Variants in TMEM178B observed in about 807,000 individuals in gnomAD.
TMEM178B encodes transmembrane protein 178B.
In TMEM178B, 5 loss-of-function variants were observed where a neutral mutation model predicts 31.0. That is an observed-to-expected ratio of 0.16 (90% confidence interval 0.08 to 0.34). The LOEUF is 0.34. TMEM178B is among the 10% of genes least tolerant of loss of function. The pLI is 1.00. For missense variants in TMEM178B, 275 were observed against 400.3 expected (o/e 0.69, Z 2.67); for synonymous variants, 164 against 164.0 (o/e 1.00, Z 0.00).
At chr7:141,077,486 A>G (rs1312536649) in intron 1 of TMEM178B, among the ~76,000 whole-genome samples, 1 of 152,230 alleles carries the variant, frequency 6.6e-6, no homozygotes, top group Non-Finnish European at 1.5e-5. Flanking sequence ...CGAACATCAA[A>G]TCTATGTCTG....
chr7:141,272,597 C>T (rs1798201144), intron 2 of TMEM178B, among the ~76,000 whole-genome samples: 1 of 152,194 alleles, frequency 6.6e-6, no homozygotes, highest in Admixed American at 6.5e-5. Flanking sequence ...TCCTGAGAGC[C>T]CCAGTGCTGG....
intron 1 of TMEM178B, among the ~76,000 whole-genome samples, chr7:141,197,767 G>C (rs1367078640): frequency 6.6e-6 from 1 of 152,098 alleles, no homozygotes; most frequent in Admixed American, 6.5e-5. Context: ...CAAGTAGCTG[G>C]ATTATAGGCA....
intron 1 of TMEM178B, among the ~76,000 whole-genome samples, chr7:141,087,359 T>C (rs1173017326): frequency 6.6e-6 from 1 of 152,220 alleles, no homozygotes; most frequent in Non-Finnish European, 1.5e-5. Context: ...TTTACAATGA[T>C]TGATTACTGA....
At chr7:141,293,861 A>G (rs1798587611) in intron 2 of TMEM178B, among the ~76,000 whole-genome samples, 1 of 152,210 alleles carries the variant, frequency 6.6e-6, no homozygotes, top group Non-Finnish European at 1.5e-5. Context: ...ACCTATAATA[A>G]TAGAAGGCAT....
intron 2 of TMEM178B, among the ~76,000 whole-genome samples, chr7:141,218,874 G>C (rs1418582253): frequency 6.6e-6 from 1 of 152,132 alleles, no homozygotes; most frequent in Non-Finnish European, 1.5e-5. Flanking sequence ...CAGCTGGCCA[G>C]TTCTAGCCCA....
At chr7:141,446,172 A>G (rs917112707) in intron 3 of TMEM178B, among the ~76,000 whole-genome samples, 1 of 152,198 alleles carries the variant, frequency 6.6e-6, no homozygotes, top group African/African-American at 2.4e-5. Context: ...TAACCCAGGC[A>G]GCAGGAGGGC....
At chr7:141,337,246 C>G (rs1331695259) in intron 2 of TMEM178B, among the ~76,000 whole-genome samples, 1 of 111,756 alleles carries the variant, frequency 8.9e-6, no homozygotes, top group Non-Finnish European at 1.9e-5. Flanking sequence ...CCACTACCAC[C>G]ATGATCACAT....
intron 2 of TMEM178B, among the ~76,000 whole-genome samples, chr7:141,407,948 A>C (rs1800914350): frequency 6.6e-6 from 1 of 152,176 alleles, no homozygotes; most frequent in South Asian, 2.1e-4. Flanking sequence ...AGATTCTCTT[A>C]TTTGATACAC....
At chr7:141,140,196 C>T (rs965306578) in intron 1 of TMEM178B, among the ~76,000 whole-genome samples, 3 of 152,200 alleles carry the variant, frequency 2.0e-5, no homozygotes. Flanking sequence ...GACATTCTCT[C>T]CATTCCTCAG....
At chr7:141,447,739 G>A (rs1432583126) in intron 3 of TMEM178B, among the ~76,000 whole-genome samples, 1 of 152,144 alleles carries the variant, frequency 6.6e-6, no homozygotes, top group Non-Finnish European at 1.5e-5. Context: ...GTTAGGGGCT[G>A]GCATGTGCCC....
At chr7:141,116,085 C>G (rs1795314052) in intron 1 of TMEM178B, among the ~76,000 whole-genome samples, 1 of 152,194 alleles carries the variant, frequency 6.6e-6, no homozygotes, top group Admixed American at 6.5e-5. Flanking sequence ...TTCAGTGTTT[C>G]ATGTGTCCCA....
At chr7:141,190,163 A>C (rs1796673567) in intron 1 of TMEM178B, among the ~76,000 whole-genome samples, 1 of 152,184 alleles carries the variant, frequency 6.6e-6, no homozygotes, top group African/African-American at 2.4e-5. Flanking sequence ...AGCAGTAGAA[A>C]ATGCACTTAA....
intron 2 of TMEM178B, among the ~76,000 whole-genome samples, chr7:141,264,431 G>A (rs1259303564): frequency 6.6e-6 from 1 of 152,202 alleles, no homozygotes; most frequent in Admixed American, 6.5e-5. Flanking sequence ...TTGTGGTAGG[G>A]TGTTCTGGAG....
At chr7:141,426,804 C>G (rs189262048) in intron 2 of TMEM178B, among the ~76,000 whole-genome samples, 1 of 151,990 alleles carries the variant, frequency 6.6e-6, no homozygotes, top group Non-Finnish European at 1.5e-5. Flanking sequence ...CCTAAACACT[C>G]CATTAAAAAG....
In TMEM178B at chr7:141,373,718, C is replaced by G. The variant is rs182092822; in HGVS notation, c.497-63890C>G. The stretch of plus-strand genomic sequence containing the variant: ...ATTCCCTTGGGTGAGGCAGCCTCCA[C>G]TGAGCCTACAGCAGCCAACATTGCC... On this transcript the variant is annotated intron_variant, in intron 2 of 3. Coordinates refer to ENST00000565468, the MANE Select transcript of TMEM178B (RefSeq NM_001195278.2). Among the ~76,000 whole-genome samples the G allele has an allele frequency of 4.8e-3, 724 of 152,332 alleles. 4 individuals carry two copies. The highest frequency in any genetic ancestry group is 0.016 in the African/African-American group (686 of 41,592).
chr7:141,396,040 C>A (rs957506130), intron 2 of TMEM178B, among the ~76,000 whole-genome samples: 1 of 152,080 alleles, frequency 6.6e-6, no homozygotes, highest in South Asian at 2.1e-4. Context: ...GGGATCCTCC[C>A]AGCTCTGCAT....
chr7:141,337,289 C>A (rs1799440658), intron 2 of TMEM178B, among the ~76,000 whole-genome samples: 1 of 140,278 alleles, frequency 7.1e-6, no homozygotes, highest in East Asian at 2.2e-4. Context: ...ACTACCACCA[C>A]CATCCCCATC....
chr7:141,280,025 G>A (rs1265219939), intron 2 of TMEM178B, among the ~76,000 whole-genome samples: 1 of 152,242 alleles, frequency 6.6e-6, no homozygotes, highest in Non-Finnish European at 1.5e-5. Flanking sequence ...GCAAGGGTAG[G>A]GTAAGTGGGG....
rs575369422 is a variant in TMEM178B, at chr7:141,216,423, C to CTGTGTGTGTGTGTGTGTG, written c.496+3728_496+3745dup. On this transcript the variant is annotated intron_variant, in intron 2 of 3. Transcript: ENST00000565468. ...GGGAGTAAAGGCCAGAGGATGAAGC[C>CTGTGTGTGTGTGTGTGTG]TGTGTGTGTGTGTGTGTGTGTGTGT... 7.0e-4 allele frequency among the ~76,000 whole-genome samples: 63 copies of CTGTGTGTGTGTGTGTGTG among 89,414 alleles called. 1 individual carries two copies. The highest frequency in any genetic ancestry group is 2.6e-3 in the South Asian group (8 of 3,036). 58.7% of individuals were successfully genotyped at this position (89,414 alleles called of 152,430 possible). A position where few individuals can be genotyped will look rare whatever the true frequency, so the allele number is the denominator to read the frequency against.
Sources: allele counts gnomAD v4.1 joint callset (sites outside exome capture counted in the v4.1 genomes callset), GRCh38; gene constraint gnomAD v4.1.1; transcripts MANE v1.5; gene names NCBI Gene and HGNC (gene_info 2026-07-23, HGNC 2026-07-21).